MAD1L1: variants seen among roughly 807,000 people sequenced by gnomAD.
The protein encoded by MAD1L1 is mitotic arrest deficient 1 like 1, also known as mitotic spindle assembly checkpoint protein MAD1.
Under a neutral mutation model 96.9 loss-of-function variants are expected in MAD1L1, and 95 were observed. The observed-to-expected ratio is 0.98, with a 90% confidence interval of 0.83 to 1.16. MAD1L1 has a LOEUF of 1.16. Among genes scored for constraint, MAD1L1 ranks in the 50% most tolerant of loss-of-function variants. The pLI is 0.00. For missense variants in MAD1L1, 1,007 were observed against 954.4 expected, an observed-to-expected ratio of 1.06 and a Z score of -0.73; for synonymous variants, 473 against 396.6, an observed-to-expected ratio of 1.19 and a Z score of -2.29.
chr7:2,202,458 G>T (rs1056356302), intron 10 of MAD1L1, among the ~76,000 whole-genome samples: 1 of 152,206 alleles, frequency 6.6e-6, no homozygotes, highest in African/African-American at 2.4e-5. Flanking sequence ...AGGCCTGAGG[G>T]ATCCTTCTCC....
intron 11 of MAD1L1, among the ~76,000 whole-genome samples, chr7:2,136,227 G>A (rs988154630): frequency 3.9e-5 from 6 of 152,188 alleles, no homozygotes; most frequent in African/African-American, 7.2e-5. Context: ...CTGCGGAAGC[G>A]ACCTGTGATA....
chr7:2,232,466 C>T (rs1188155091), intron 1 of MAD1L1, among the ~76,000 whole-genome samples: 1 of 152,226 alleles, frequency 6.6e-6, no homozygotes. Flanking sequence ...CCCGACTTCT[C>T]CACCAGGCGC....
intron 14 of MAD1L1, among the ~76,000 whole-genome samples, chr7:1,995,363 C>A (rs1034538460): frequency 6.6e-6 from 1 of 152,176 alleles, no homozygotes; most frequent in Non-Finnish European, 1.5e-5. Context: ...CCAGAACAGC[C>A]TGGATCTTCC....
At chr7:1,866,630 G>A (rs1413644507) in intron 18 of MAD1L1, among the ~76,000 whole-genome samples, 4 of 152,222 alleles carry the variant, frequency 2.6e-5, no homozygotes, top group Admixed American at 6.5e-5. Flanking sequence ...GGCAGGCAAC[G>A]CAGAGGCCAT....
At chr7:1,900,591 C>A (rs562852294) in intron 17 of MAD1L1, among the ~76,000 whole-genome samples, 2 of 152,286 alleles carry the variant, frequency 1.3e-5, no homozygotes, top group South Asian at 4.2e-4. Flanking sequence ...CTCTTCCCTG[C>A]GTCCCTCGGC....
intron 18 of MAD1L1, chr7:1,847,169 A>G (rs11762803): frequency 0.28 from 121,559 of 435,538 alleles, 17,731 homozygotes; most frequent in South Asian, 0.38. Flanking sequence ...CCTGGGAACA[A>G]GGAGTTCCTC....
chr7:1,884,190 C>T (rs538973103), intron 18 of MAD1L1, among the ~76,000 whole-genome samples: 8 of 152,248 alleles, frequency 5.3e-5, no homozygotes, highest in Middle Eastern at 3.2e-3. Context: ...GAGGCATGCA[C>T]GGTGTTTGGT....
chr7:1,972,826 C>A lies in MAD1L1; in HGVS notation c.1505+7627G>T, dbSNP rs150083710. Among the ~76,000 whole-genome samples the A allele has an allele frequency of 3.8e-3, 578 of 152,262 alleles. 4 individuals carry two copies. Among genetic ancestry groups the A allele is most frequent in the African/African-American group, 0.013 (528 of 41,548 alleles). On this transcript the variant is annotated intron_variant, in intron 15 of 18. Transcript: ENST00000265854. ...GACGTACTTCCTTCTCAGCACCGGT[C>A]TAGCTGGACCCCACTTACTTAGATG...
At chr7:1,954,746 T>C (rs1051434039) in intron 16 of MAD1L1, among the ~76,000 whole-genome samples, 1 of 152,318 alleles carries the variant, frequency 6.6e-6, no homozygotes, top group East Asian at 1.9e-4. Context: ...GCAGGCTCCC[T>C]GTGGGCCTCA....
intron 12 of MAD1L1, among the ~76,000 whole-genome samples, chr7:2,063,875 A>G (rs542455173): frequency 6.6e-6 from 1 of 152,332 alleles, no homozygotes; most frequent in South Asian, 2.1e-4. Context: ...CTCTGCCCTC[A>G]GCACACACAA....
chr7:2,222,742 G>C lies in MAD1L1; in HGVS notation c.304C>G (p.Arg102Gly). Residue 102 changes from arginine to glycine, a missense_variant, in exon 5 of 19, where the codon CGC becomes GGC. Arg to Gly is a moderately radical substitution (Grantham distance 125, BLOSUM62 -2). Coordinates refer to ENST00000265854, the MANE Select transcript of MAD1L1 (RefSeq NM_001013836.2). Reference sequence around the variant, plus strand: ...ATGCGCGTCAGGAGCTCCTGGTTGCGGTCGACCTCACGCTGTTAAGAGAGC... The same window carrying C: ...ATGCGCGTCAGGAGCTCCTGGTTGCCGTCGACCTCACGCTGTTAAGAGAGC... ...SARNYEREVD[R>G]NQELLTRIRQ... 1.9e-6 allele frequency: 3 copies of C among 1,602,148 alleles called. No homozygotes were observed. The highest frequency in any genetic ancestry group is 2.5e-6 in the Non-Finnish European group (3 of 1,178,382).
chr7:1,980,807 A>G lies in MAD1L1; in HGVS notation c.1417-266T>C, dbSNP rs1583985686. On this transcript the variant is annotated intron_variant, in intron 14 of 18. Coordinates refer to ENST00000265854, the MANE Select transcript of MAD1L1 (RefSeq NM_001013836.2). ...GCTCACGGTGAGGTGTGTGGGGTGC[A>G]TGTGAGAGTCTCTGGAGAGTGGACA... The G allele has an allele frequency of 1.2e-5, 7 of 581,198 alleles. No individual in the cohort carries two copies. In the Admixed American group the frequency reaches 1.5e-4, roughly 13 times the overall value. The allele number at this position is 581,198 out of a possible 1,614,324, so 36.0% of individuals were successfully genotyped here.
intron 12 of MAD1L1, among the ~76,000 whole-genome samples, chr7:2,056,138 TGA>T (rs1784379443): frequency 6.6e-6 from 1 of 152,166 alleles, no homozygotes; most frequent in Admixed American, 6.5e-5. Flanking sequence ...ACAGGGAACA[TGA>T]TGACTGTCTG....
At chr7:1,870,597 G>A (rs867940712) in intron 18 of MAD1L1, among the ~76,000 whole-genome samples, 26 of 68,620 alleles carry the variant, frequency 3.8e-4, no homozygotes, top group Admixed American at 1.1e-3. Flanking sequence ...TGAACCCACC[G>A]TAACACCTGC....
chr7:1,923,414 C>T (rs996538098), intron 17 of MAD1L1, among the ~76,000 whole-genome samples: 4 of 152,220 alleles, frequency 2.6e-5, no homozygotes, highest in African/African-American at 9.6e-5. Flanking sequence ...TCCTCTTCTA[C>T]CCTGACACCC....
Position 1,986,087 on chromosome 7 carries a change from C to T in MAD1L1, c.1417-5546G>A, listed in dbSNP as rs549245879. Among the ~76,000 whole-genome samples the T allele has an allele frequency of 1.9e-3, 292 of 152,260 alleles. 1 individual carries two copies. Among genetic ancestry groups the T allele is most frequent in the African/African-American group, 6.8e-3 (283 of 41,550 alleles). On this transcript the variant is annotated intron_variant, in intron 14 of 18. Coordinates refer to ENST00000265854, the MANE Select transcript of MAD1L1 (RefSeq NM_001013836.2). ...TGCTGAAGATGAGTTTTATTGAATC[C>T]GGCTCCGTGCACAGGTTCACAGTGG...
At chr7:2,143,230 C>T (rs1335209170) in intron 11 of MAD1L1, among the ~76,000 whole-genome samples, 1 of 151,680 alleles carries the variant, frequency 6.6e-6, no homozygotes, top group Non-Finnish European at 1.5e-5. Flanking sequence ...CTGGTAGAGC[C>T]AAATGCAAAC....
chr7:1,955,270 G>A (rs533803131), intron 16 of MAD1L1, among the ~76,000 whole-genome samples: 12 of 152,230 alleles, frequency 7.9e-5, no homozygotes, highest in Non-Finnish European at 1.5e-4. Context: ...GCAGGGAGAG[G>A]AGAGGGCATC....
chr7:1,946,307 T>G (rs1446362570), intron 16 of MAD1L1, among the ~76,000 whole-genome samples: 2 of 152,102 alleles, frequency 1.3e-5, no homozygotes, highest in Non-Finnish European at 2.9e-5. Flanking sequence ...CCCACCCACC[T>G]AGGGCGCTGA....
Sources: gnomAD v4.1 joint callset for allele counts (sites outside exome capture counted in the v4.1 genomes callset) on GRCh38, gnomAD v4.1.1 for gene constraint, MANE v1.5 for transcripts, NCBI Gene and HGNC (gene_info 2026-07-23, HGNC 2026-07-21) for gene names.